The following DPY19L3 variants were observed in gnomAD, a reference collection of about 807,000 sequenced individuals.
DPY19L3 encodes dpy-19 like C-mannosyltransferase 3.
A neutral mutation model predicts 92.3 loss-of-function variants in DPY19L3; 51 were observed. The ratio of observed to expected loss-of-function variants is 0.55; its 90% CI spans 0.44 to 0.70. The LOEUF is 0.70. DPY19L3 is among the 30% of genes least tolerant of loss of function. The probability of loss-of-function intolerance (pLI) is 0.00; values close to 1 mark genes in which losing one functional copy is unlikely to be tolerated. For synonymous variants in DPY19L3, 309 were observed against 315.2 expected, an observed-to-expected ratio of 0.98 and a Z score of 0.21; for missense variants, 706 against 855.9, an observed-to-expected ratio of 0.82 and a Z score of 2.18.
chr19:32,423,422 G>GTTTTTTTTTTTTTTTTTTTTTTTTTTT (rs1599601418), intron 3 of DPY19L3, among the ~76,000 whole-genome samples: 4 of 48,486 alleles, frequency 8.2e-5, no homozygotes, highest in South Asian at 6.7e-4. Context: ...TTTTTTTTTG[G>GTTTTTTTTTTTTTTTTTTTTTTTTTTT]TATTTTTAGT....
intron 5 of DPY19L3, 68 bp from the exon 6 acceptor site, chr19:32,437,126 T>G: frequency 6.3e-7 from 1 of 1,582,310 alleles, no homozygotes; most frequent in Non-Finnish European, 8.6e-7. Flanking sequence ...CCTACTGTCA[T>G]GTTTTAAATG....
At chr19:32,457,331 T>G (rs1261911548) in intron 10 of DPY19L3, among the ~76,000 whole-genome samples, 2 of 152,226 alleles carry the variant, frequency 1.3e-5, no homozygotes, top group Non-Finnish European at 2.9e-5. Flanking sequence ...GCAACTGTTT[T>G]GTTTTACTCT....
chr19:32,429,143 G>C (rs547429891), intron 3 of DPY19L3, among the ~76,000 whole-genome samples: 1 of 152,114 alleles, frequency 6.6e-6, no homozygotes, highest in Non-Finnish European at 1.5e-5. Context: ...CACCACACCC[G>C]GCCAGCTGTA....
chr19:32,461,763 C>T (rs1049837883), intron 12 of DPY19L3, among the ~76,000 whole-genome samples: 1 of 152,286 alleles, frequency 6.6e-6, no homozygotes, highest in Admixed American at 6.5e-5. Context: ...GATCAGTAGA[C>T]CTTCATGAAA....
chr19:32,457,334 TTTACTC>T (rs1397086281), intron 10 of DPY19L3, among the ~76,000 whole-genome samples: 7 of 152,326 alleles, frequency 4.6e-5, no homozygotes, highest in Admixed American at 3.3e-4. Context: ...ACTGTTTTGT[TTTACTC>T]TTATAAACCC....
chr19:32,418,073 G>A (rs778959882), intron 3 of DPY19L3, among the ~76,000 whole-genome samples: 29 of 152,258 alleles, frequency 1.9e-4, no homozygotes, highest in Middle Eastern at 6.8e-3. Flanking sequence ...TTTCAGGAGC[G>A]TGTAAAATGA....
chr19:32,445,603 G>A (rs1969472441), intron 8 of DPY19L3, among the ~76,000 whole-genome samples: 1 of 152,176 alleles, frequency 6.6e-6, no homozygotes, highest in Admixed American at 6.5e-5. Context: ...AAACAGAAAG[G>A]AAATGATAAG....
chr19:32,440,041 T>G (rs997475401), intron 8 of DPY19L3, 131 bp downstream of exon 8: 41 of 1,183,926 alleles, frequency 3.5e-5, no homozygotes, highest in Non-Finnish European at 4.6e-5. Context: ...GTAAATTTGC[T>G]GTGGCCAATT....
chr19:32,426,461 C>T (rs886844377), intron 3 of DPY19L3, among the ~76,000 whole-genome samples: 1 of 152,192 alleles, frequency 6.6e-6, no homozygotes, highest in African/African-American at 2.4e-5. Context: ...TCTCAACTTT[C>T]GACATGCTTT....
intron 16 of DPY19L3, among the ~76,000 whole-genome samples, chr19:32,470,899 A>C (rs1327621836): frequency 6.7e-6 from 1 of 149,954 alleles, no homozygotes; most frequent in African/African-American, 2.5e-5. Flanking sequence ...TTCAAATCTA[A>C]ATAATATTTT....
At chr19:32,461,751 G>A (rs1970047260) in intron 12 of DPY19L3, among the ~76,000 whole-genome samples, 1 of 152,160 alleles carries the variant, frequency 6.6e-6, no homozygotes, top group African/African-American at 2.4e-5. Context: ...TATGTATGAA[G>A]GGATCAGTAG....
At chr19:32,446,006 A>G (rs1969487232) in intron 8 of DPY19L3, among the ~76,000 whole-genome samples, 1 of 152,218 alleles carries the variant, frequency 6.6e-6, no homozygotes, top group South Asian at 2.1e-4. Flanking sequence ...GTCTCAAAAA[A>G]AAAAAATTAT....
chr19:32,408,917 T>C (rs969810461), intron 2 of DPY19L3, among the ~76,000 whole-genome samples: 3 of 152,202 alleles, frequency 2.0e-5, no homozygotes, highest in Non-Finnish European at 4.4e-5. Context: ...TCTTGCTTCC[T>C]GAGTAGCTTT....
At chr19:32,470,781 CTTTTTTTTT>C (rs71336911) in intron 16 of DPY19L3, among the ~76,000 whole-genome samples, 7 of 91,210 alleles carry the variant, frequency 7.7e-5, no homozygotes, top group Non-Finnish European at 1.4e-4. Context: ...ATTCCTTTGG[CTTTTTTTTT>C]TTTTTTTTTT....
chr19:32,457,054 C>T (rs1969888417), intron 10 of DPY19L3, among the ~76,000 whole-genome samples: 1 of 152,026 alleles, frequency 6.6e-6, no homozygotes, highest in Non-Finnish European at 1.5e-5. Flanking sequence ...GAAGAGTGGC[C>T]AAAGATACAC....
At chr19:32,405,996 GC>G (rs1967927459) in intron 1 of DPY19L3, 87 bp downstream of exon 1, 1 of 151,172 alleles carries the variant, frequency 6.6e-6, no homozygotes, top group Non-Finnish European at 1.5e-5. Flanking sequence ...ACAGCCCCGA[GC>G]CCCTGGGGCC....
chr19:32,453,268 A>G lies in DPY19L3; in HGVS notation c.979A>G (p.Lys327Glu). The G allele has an allele frequency of 6.2e-7, 1 of 1,606,328 alleles. No individual in the cohort carries two copies. The highest frequency in any genetic ancestry group is 2.2e-5 in the East Asian group (1 of 44,826). ...TAACCTTTCAGTATTCATTGCAAGA[A>G]AACTTCAGGTAGGACTTTTTTTTTG... ...SFNLSVFIAR[K>E]LQKNLKTGSF... The change falls in exon 9 of 19, where the codon AAA becomes GAA. Residue 327 changes from lysine (K) to glutamate (E), a missense_variant. Lys to Glu is a moderately conservative substitution (Grantham distance 56). Coordinates refer to ENST00000392250, the MANE Select transcript of DPY19L3 (RefSeq NM_001172774.2).
chr19:32,443,272 A>G (rs1484934484), intron 8 of DPY19L3, among the ~76,000 whole-genome samples: 1 of 152,114 alleles, frequency 6.6e-6, no homozygotes, highest in African/African-American at 2.4e-5. Context: ...GCAAGTGGGC[A>G]CCTTGGACTT....
At position 32,482,143 on chromosome 19, in the gene DPY19L3, A is replaced by G; in HGVS notation, c.2054A>G (p.Glu685Gly). The change falls in exon 19 of 19, where the codon GAA (glutamate) becomes GGA (glycine). Residue 685 changes from glutamate (E) to glycine (G), a missense_variant. Physicochemically the swap from Glu to Gly is moderately conservative, Grantham distance 98. Coordinates refer to ENST00000392250, the MANE Select transcript of DPY19L3 (RefSeq NM_001172774.2). ...LKPADHPRFC[E>G]EIKRNLPPYV... ...CCTGCAGACCACCCTCGCTTCTGTG[A>G]AGAGATCAAAAGAAACCTGCCTCCC... 1 of 1,613,868 alleles carries G rather than the reference A, an allele frequency of 6.2e-7. No individual in the cohort carries two copies. Among genetic ancestry groups the G allele is most frequent in the Non-Finnish European group, 8.5e-7 (1 of 1,179,846 alleles).
Sources: gnomAD v4.1 joint callset for allele counts (sites outside exome capture counted in the v4.1 genomes callset) on GRCh38, gnomAD v4.1.1 for gene constraint, MANE v1.5 for transcripts, NCBI Gene and HGNC (gene_info 2026-07-23, HGNC 2026-07-21) for gene names.